The following MOB2 variants were observed in gnomAD, a reference collection of about 807,000 sequenced individuals.
The protein encoded by MOB2 is MOB kinase activator 2.
A neutral mutation model predicts 27.4 loss-of-function variants in MOB2; 14 were observed. The observed-to-expected ratio is 0.51, with a 90% CI of 0.34 to 0.80. The LOEUF (loss-of-function observed/expected upper bound fraction) is 0.80. MOB2 is among the 30% of genes least tolerant of loss of function. The probability of loss-of-function intolerance (pLI) is 0.01; values close to 1 mark genes in which losing one functional copy is unlikely to be tolerated. For missense variants in MOB2, 304 were observed against 354.6 expected, an observed-to-expected ratio of 0.86 and a Z score of 1.15; for synonymous variants, 167 against 151.8, an observed-to-expected ratio of 1.10 and a Z score of -0.74.
intron 3 of MOB2, 143 bp from the exon 4 acceptor site, chr11:1,471,562 A>T: frequency 1.1e-6 from 1 of 935,386 alleles, no homozygotes; most frequent in Non-Finnish European, 1.6e-6. Context: ...CTCCCTGGAC[A>T]TGCACACTGT....
At chr11:1,472,858 A>C in intron 3 of MOB2, 1 of 154,532 alleles carries the variant, frequency 6.5e-6, no homozygotes, top group South Asian at 1.5e-4. Flanking sequence ...CTCCGGGCAC[A>C]GGGCCTCCAG....
chr11:1,482,610 C>T (rs911307755), intron 1 of MOB2, among the ~76,000 whole-genome samples: 1 of 152,250 alleles, frequency 6.6e-6, no homozygotes, highest in Non-Finnish European at 1.5e-5. Flanking sequence ...CAGGCTGGGC[C>T]TCCCCGAGCT....
chr11:1,475,529 G>A (rs1258981334), intron 3 of MOB2, among the ~76,000 whole-genome samples: 1 of 152,216 alleles, frequency 6.6e-6, no homozygotes, highest in Non-Finnish European at 1.5e-5. Context: ...TCGAACTCCT[G>A]AAGTGATCCA....
chr11:1,486,044 A>G (rs1847966253), intron 1 of MOB2, among the ~76,000 whole-genome samples: 1 of 152,198 alleles, frequency 6.6e-6, no homozygotes, highest in African/African-American at 2.4e-5. Flanking sequence ...GCTGGGACAA[A>G]GACAGGCACA....
rs1847753907 is a variant in MOB2, at chr11:1,469,696, C to T, written c.*476G>A. Reference sequence around the variant, plus strand: ...CCCCCACCTCTGAGCTGCCAACAGCCAAGACTCCTGGCGAGGCCGGGAGAG... The same window carrying T: ...CCCCCACCTCTGAGCTGCCAACAGCTAAGACTCCTGGCGAGGCCGGGAGAG... On this transcript the variant is annotated 3_prime_UTR_variant, in exon 5 of 5. Coordinates refer to ENST00000329957, the MANE Select transcript of MOB2 (RefSeq NM_001172223.3). 1 of 458,276 alleles carries T rather than the reference C, an allele frequency of 2.2e-6. No individual in the cohort carries two copies. Among genetic ancestry groups the T allele is most frequent in the African/African-American group, 2.0e-5 (1 of 50,158 alleles). 28.4% of individuals were successfully genotyped at this position (458,276 alleles called of 1,614,324 possible).
At chr11:1,478,432 T>C (rs1194581806) in intron 3 of MOB2, among the ~76,000 whole-genome samples, 7 of 152,230 alleles carry the variant, frequency 4.6e-5, no homozygotes, top group African/African-American at 1.4e-4. Flanking sequence ...ACTGACTGGA[T>C]GTGGAATTCT....
chr11:1,477,089 CG>C (rs1190379189), intron 3 of MOB2, among the ~76,000 whole-genome samples: 6 of 152,122 alleles, frequency 3.9e-5, no homozygotes, highest in African/African-American at 1.4e-4. Context: ...ATCCAACCCA[CG>C]GGTGGGGTCA....
rs534093896 is a variant in MOB2 at position 1,480,498 on chromosome 11, G to A, written c.272-12C>T. The A allele has an allele frequency of 1.5e-5, 25 of 1,613,286 alleles. No individual in the cohort carries two copies. Among genetic ancestry groups the A allele is most frequent in the African/African-American group, 2.7e-5 (2 of 75,066 alleles). On this transcript the variant is annotated splice_polypyrimidine_tract_variant and intron_variant, in intron 2 of 4. Coordinates refer to ENST00000329957, the MANE Select transcript of MOB2 (RefSeq NM_001172223.3). ...GAAAAACGTCGTGGCTGGAAGAGAA[G>A]AGAAGGAGCCAGATGTGAAAAACGC...
At chr11:1,479,470 C>T (rs1847886260) in intron 3 of MOB2, among the ~76,000 whole-genome samples, 1 of 152,248 alleles carries the variant, frequency 6.6e-6, no homozygotes. Flanking sequence ...GTTGTCTGTA[C>T]CTGCCCCGGT....
rs10742185 is a variant in MOB2 at position 1,480,440 on chromosome 11, G to T, written c.318C>A (p.Ser106=). 1.9e-5 allele frequency: 31 copies of T among 1,613,730 alleles called. No homozygotes were observed. Among genetic ancestry groups the T allele is most frequent in the Non-Finnish European group, 2.5e-5 (30 of 1,179,894 alleles). ...GACACGTCTCTCCTGTGCAGAACTC[G>T]GAGATGGTGCTATACTGCAGGTTGA... ...HHINLQYSTI[S]EFCTGETCQT... Residue 106 remains serine (S), a synonymous_variant, in exon 3 of 5, where the codon TCC becomes TCA. Coordinates refer to ENST00000329957, the MANE Select transcript of MOB2 (RefSeq NM_001172223.3).
rs772196163 is a variant in MOB2, at chr11:1,480,844, T to G, written c.152A>C (p.Glu51Ala). ...AGGCTCCAGGTAGGCCTTCCTCTCC[T>G]CCGCAGCGGGCTTCTTGCCATTAGG... ...AKPNGKKPAA[E>A]ERKAYLEPEH... Residue 51 changes from glutamate to alanine, a missense_variant, in exon 2 of 5, where the codon GAG becomes GCG. Coordinates refer to ENST00000329957, the MANE Select transcript of MOB2 (RefSeq NM_001172223.3). 1 of 1,570,318 alleles carries G rather than the reference T, an allele frequency of 6.4e-7. No individual in the cohort carries two copies. Among genetic ancestry groups the G allele is most frequent in the Non-Finnish European group, 8.6e-7 (1 of 1,158,060 alleles).
At chr11:1,474,484 C>T (rs947942944) in intron 3 of MOB2, among the ~76,000 whole-genome samples, 12 of 152,336 alleles carry the variant, frequency 7.9e-5, no homozygotes, top group African/African-American at 2.4e-4. Flanking sequence ...GATGTTTGCA[C>T]GAGGCATGAG....
At chr11:1,480,306 T>G in intron 3 of MOB2, 87 bp downstream of exon 3, 1 of 1,250,118 alleles carries the variant, frequency 8.0e-7, no homozygotes, top group Non-Finnish European at 1.1e-6. Flanking sequence ...GAACGGAATC[T>G]GAGAGGACAG....
At chr11:1,480,256 T>C in intron 3 of MOB2, 137 bp downstream of exon 3, 1 of 753,650 alleles carries the variant, frequency 1.3e-6, no homozygotes, top group South Asian at 1.8e-5. Flanking sequence ...GTGGATGTTG[T>C]GGAAGGCCTG....
In MOB2 at chr11:1,470,056, G is replaced by A; in HGVS notation, c.*116C>T. The A allele has an allele frequency of 3.9e-6, 6 of 1,537,884 alleles. No individual in the cohort carries two copies. Among genetic ancestry groups the A allele is most frequent in the Non-Finnish European group, 5.2e-6 (6 of 1,146,762 alleles). ...TGCAGCCCACACCAGTGCAGCCCGGGGCCCTCTCAGACCTCACCACACGCG... is the reference window on the plus strand; with the variant it reads ...TGCAGCCCACACCAGTGCAGCCCGGAGCCCTCTCAGACCTCACCACACGCG... On this transcript the variant is annotated 3_prime_UTR_variant, in exon 5 of 5. Coordinates refer to ENST00000329957, the MANE Select transcript of MOB2 (RefSeq NM_001172223.3).
At chr11:1,478,255 G>A (rs1051795567) in intron 3 of MOB2, among the ~76,000 whole-genome samples, 2 of 152,202 alleles carry the variant, frequency 1.3e-5, no homozygotes, top group Admixed American at 6.5e-5. Flanking sequence ...CCCTGGGAAC[G>A]GCACTGCACA....
At position 1,470,513 on chromosome 11, in the gene MOB2, G is replaced by C. The variant is rs761492698; in HGVS notation, c.491-25C>G. 8.1e-6 allele frequency: 13 copies of C among 1,601,344 alleles called. No individual in the cohort carries two copies. The East Asian group carries it at 2.9e-4, about 36-fold the overall frequency. ...CCTGGGGAAGGCCACCGTGTCACAA[G>C]CTGCAGACATCCCTTGGCCCCAACA... On this transcript the variant is annotated intron_variant, in intron 4 of 4. Transcript: ENST00000329957.
chr11:1,478,332 A>C (rs552624428), intron 3 of MOB2, among the ~76,000 whole-genome samples: 1 of 152,386 alleles, frequency 6.6e-6, no homozygotes, highest in South Asian at 2.1e-4. Context: ...ACTCAGTGGG[A>C]GGAGGCCCTC....
chr11:1,479,426 A>AT (rs1564910365), intron 3 of MOB2, among the ~76,000 whole-genome samples: 4 of 151,988 alleles, frequency 2.6e-5, no homozygotes. Context: ...GTGACACCTC[A>AT]TTTTCCTGGG....
Sources: gnomAD v4.1 joint callset for allele counts (sites outside exome capture counted in the v4.1 genomes callset) on GRCh38, gnomAD v4.1.1 for gene constraint, MANE v1.5 for transcripts, NCBI Gene and HGNC (gene_info 2026-07-23, HGNC 2026-07-21) for gene names.